SCGN: variants seen among roughly 807,000 people sequenced by gnomAD.
SCGN encodes the protein secretagogin, EF-hand calcium binding protein.
SCGN carries 30 observed loss-of-function variants against 39.7 expected under a neutral mutation model. The observed-to-expected ratio is 0.76, with a 90% CI of 0.57 to 1.03. The LOEUF (loss-of-function observed/expected upper bound fraction) is 1.03, where lower values mean the gene tolerates loss of function less well. Among genes scored for constraint, SCGN ranks in the 50% least tolerant of loss-of-function variants. The probability of loss-of-function intolerance (pLI) is 0.00; values close to 1 mark genes in which losing one functional copy is unlikely to be tolerated. For missense variants in SCGN, 353 were observed against 349.4 expected (o/e 1.01, Z -0.08); for synonymous variants, 106 against 114.1 (o/e 0.93, Z 0.45).
intron 10 of SCGN, among the ~76,000 whole-genome samples, chr6:25,700,240 T>TTAAA (rs1561772106): frequency 3.1e-4 from 2 of 6,472 alleles, no homozygotes; most frequent in African/African-American, 6.4e-4. Flanking sequence ...CGACTTCGTC[T>TTAAA]CAAAAAAAAA....
rs1202606577 is a variant in SCGN at position 25,653,468 on chromosome 6, C to A, written c.153+16C>A. 3 of 1,596,208 alleles carry A rather than the reference C, an allele frequency of 1.9e-6. No homozygotes were observed. The highest frequency in any genetic ancestry group is 2.6e-6 in the Non-Finnish European group (3 of 1,164,842). On this transcript the variant is annotated intron_variant, in intron 2 of 10. Coordinates refer to ENST00000377961, the MANE Select transcript of SCGN (RefSeq NM_006998.4). Reference sequence around the variant, plus strand: ...GGGTACTGATGTAAGTACTTGCACACTAAGCCTTAATTTATGCCTCTTAGT... The same window carrying A: ...GGGTACTGATGTAAGTACTTGCACAATAAGCCTTAATTTATGCCTCTTAGT...
intron 9 of SCGN, 85 bp from the exon 10 acceptor site, chr6:25,690,971 T>C (rs781548597): frequency 5.0e-6 from 5 of 1,007,672 alleles, no homozygotes; most frequent in Non-Finnish European, 7.8e-6. Context: ...ACAAGAATAC[T>C]GATACGGTTT....
At chr6:25,694,282 G>T (rs1759811604) in intron 10 of SCGN, among the ~76,000 whole-genome samples, 1 of 152,106 alleles carries the variant, frequency 6.6e-6, no homozygotes, top group African/African-American at 2.4e-5. Context: ...ATTGAGTTTG[G>T]CAATGGTTTC....
intron 9 of SCGN, among the ~76,000 whole-genome samples, chr6:25,690,785 G>A (rs1344723486): frequency 6.6e-6 from 1 of 152,196 alleles, no homozygotes; most frequent in Non-Finnish European, 1.5e-5. Context: ...AGCAAATGAA[G>A]GCAATATATG....
chr6:25,672,698 C>T (rs376261144), intron 6 of SCGN, among the ~76,000 whole-genome samples: 8 of 152,224 alleles, frequency 5.3e-5, no homozygotes, highest in South Asian at 2.1e-4. Flanking sequence ...AGATGGAAAA[C>T]GGCTAGAGGG....
intron 2 of SCGN, among the ~76,000 whole-genome samples, chr6:25,658,669 C>A (rs1163606523): frequency 5.9e-5 from 9 of 152,194 alleles, no homozygotes. Flanking sequence ...CTCACCTTCA[C>A]TGCAATTTAT....
At chr6:25,688,252 G>A (rs1163988451) in intron 7 of SCGN, among the ~76,000 whole-genome samples, 1 of 152,080 alleles carries the variant, frequency 6.6e-6, no homozygotes, top group Non-Finnish European at 1.5e-5. Context: ...TTTCTTATAG[G>A]TCATGTTTCT....
At chr6:25,665,893 C>G (rs1760416169) in intron 4 of SCGN, among the ~76,000 whole-genome samples, 1 of 152,140 alleles carries the variant, frequency 6.6e-6, no homozygotes, top group African/African-American at 2.4e-5. Context: ...ATATGCAATA[C>G]TTTCAAGGAA....
chr6:25,652,631 C>T (rs1760154219), intron 1 of SCGN, 146 bp downstream of exon 1: 1 of 647,984 alleles, frequency 1.5e-6, no homozygotes, highest in Non-Finnish European at 2.6e-6. Flanking sequence ...GTATCATTAA[C>T]AGACGTTTGG....
chr6:25,694,778 T>C (rs1404800513), intron 10 of SCGN, among the ~76,000 whole-genome samples: 6 of 152,256 alleles, frequency 3.9e-5, no homozygotes, highest in African/African-American at 1.2e-4. Flanking sequence ...ATACTCGCCA[T>C]ATAATTTGTA....
chr6:25,676,930 C>T (rs1252262784), intron 6 of SCGN, among the ~76,000 whole-genome samples: 2 of 152,154 alleles, frequency 1.3e-5, no homozygotes, highest in African/African-American at 4.8e-5. Flanking sequence ...TGCCAGTCAC[C>T]TGTGCATGGA....
In SCGN at chr6:25,701,374, G is replaced by A. The variant is rs781017606; in HGVS notation, c.*39G>A. On this transcript the variant is annotated 3_prime_UTR_variant, in exon 11 of 11. Transcript: ENST00000377961. The stretch of plus-strand genomic sequence containing the variant: ...TGCCTTTTGCTCTTACTATGTTTCT[G>A]TGATCTTGCTGGTAGAATTGTATCT... 14 of 1,595,056 alleles carry A rather than the reference G, an allele frequency of 8.8e-6. No homozygotes were observed. Among genetic ancestry groups the A allele is most frequent in the East Asian group, 2.3e-5 (1 of 44,342 alleles).
chr6:25,660,263 C>A lies in SCGN; in HGVS notation c.154-1289C>A, dbSNP rs141093941. On this transcript the variant is annotated intron_variant, in intron 2 of 10. Transcript: ENST00000377961. ...GGATGTGGCAGCTGTTAATTCCCCA[C>A]CACAATTCTCTTTCCACCGTCTCCT... is the stretch of plus-strand genomic sequence containing the variant. Among the ~76,000 whole-genome samples, 1,107 of 152,262 alleles carry A rather than the reference C, an allele frequency of 7.3e-3. 12 individuals carry two copies. The highest frequency in any genetic ancestry group is 0.021 in the African/African-American group (860 of 41,556).
chr6:25,701,264 G>A lies in SCGN; in HGVS notation c.760G>A (p.Asp254Asn), dbSNP rs776417318. ...KFREILLRHC[D>N]VNKDGKIQKS... ...CCGCGAGATTCTCCTGCGTCACTGC[G>A]ACGTGAACAAGGATGGAAAAATTCA... The change falls in exon 11 of 11, where the codon GAC becomes AAC. Residue 254 changes from aspartate to asparagine, a missense_variant. Asp to Asn is a conservative substitution (Grantham distance 23). Coordinates refer to ENST00000377961, the MANE Select transcript of SCGN (RefSeq NM_006998.4). 21 of 1,613,672 alleles carry A rather than the reference G, an allele frequency of 1.3e-5. No individual in the cohort carries two copies. Among genetic ancestry groups the A allele is most frequent in the Non-Finnish European group, 1.6e-5 (19 of 1,179,896 alleles).
In SCGN at chr6:25,689,480, C is replaced by G; in HGVS notation, c.581C>G (p.Ser194Cys). 1 of 1,613,038 alleles carries G rather than the reference C, an allele frequency of 6.2e-7. No homozygotes were observed. The highest frequency in any genetic ancestry group is 1.1e-5 in the South Asian group (1 of 91,020). Reference sequence around the variant, plus strand: ...TGTTTTTTCCTTACACAGGCTTGTTCTACTGAAGAAAGGAAAAGGGACTTT... The same window carrying G: ...TGTTTTTTCCTTACACAGGCTTGTTGTACTGAAGAAAGGAAAAGGGACTTT... The part of the protein sequence containing the change: ...FLLQFKMDAC[S>C]TEERKRDFEK... Residue 194 changes from serine (S) to cysteine (C), a missense_variant, in exon 9 of 11, where the codon TCT becomes TGT. Transcript: ENST00000377961.
intron 10 of SCGN, among the ~76,000 whole-genome samples, chr6:25,695,929 C>T (rs1337000838): frequency 6.6e-6 from 1 of 152,164 alleles, no homozygotes; most frequent in Non-Finnish European, 1.5e-5. Flanking sequence ...CAAGAAATTC[C>T]AGATCTCCCA....
chr6:25,655,409 T>C (rs1476445842), intron 2 of SCGN, among the ~76,000 whole-genome samples: 1 of 152,178 alleles, frequency 6.6e-6, no homozygotes, highest in African/African-American at 2.4e-5. Flanking sequence ...ATTGTTGCCA[T>C]TGTGAGAGAA....
chr6:25,667,218 C>A (rs1760438164), intron 4 of SCGN, among the ~76,000 whole-genome samples: 2 of 151,904 alleles, frequency 1.3e-5, no homozygotes, highest in Non-Finnish European at 1.5e-5. Context: ...CTTGAAAGAC[C>A]TTGAGAAGTG....
intron 9 of SCGN, 77 bp downstream of exon 9, chr6:25,689,609 C>T: frequency 8.5e-7 from 1 of 1,177,056 alleles, no homozygotes; most frequent in Non-Finnish European, 1.3e-6. Flanking sequence ...AGCCATCTTA[C>T]CCAACAGACC....
Sources: gnomAD v4.1 joint callset for allele counts (sites outside exome capture counted in the v4.1 genomes callset) on GRCh38, gnomAD v4.1.1 for gene constraint, MANE v1.5 for transcripts, NCBI Gene and HGNC (gene_info 2026-07-23, HGNC 2026-07-21) for gene names.